Variants in ILK observed in about 807,000 individuals in gnomAD.
The protein encoded by ILK is scaffold protein ILK.
In ILK, 37 loss-of-function variants were observed where a neutral mutation model predicts 57.8. The ratio of observed to expected loss-of-function variants is 0.64; its 90% CI spans 0.49 to 0.84. The LOEUF is 0.84. ILK is among the 40% of genes least tolerant of loss of function. ILK has a pLI of 0.00. For synonymous variants in ILK, 231 were observed against 202.2 expected, an observed-to-expected ratio of 1.14 and a Z score of -1.21; for missense variants, 528 against 595.7, an observed-to-expected ratio of 0.89 and a Z score of 1.18.
rs867622362 is a variant in ILK at position 6,604,010 on chromosome 11, G to A, written c.-92-170G>A. ...TTGCCTGCTCTCGGACATCCGTTCAGCAGACACTACCTCTTCGTCACCCCC... is the reference window on the plus strand; with the variant it reads ...TTGCCTGCTCTCGGACATCCGTTCAACAGACACTACCTCTTCGTCACCCCC... On this transcript the variant is annotated intron_variant, in intron 1 of 12. Transcript: ENST00000299421. 1.0e-5 allele frequency: 6 copies of A among 582,824 alleles called. No homozygotes were observed. In the Middle Eastern group the frequency reaches 1.8e-3, roughly 179 times the overall value. 36.1% of individuals were successfully genotyped at this position (582,824 alleles called of 1,614,324 possible). A position where few individuals can be genotyped will look rare whatever the true frequency, so the allele number is the denominator to read the frequency against.
chr11:6,610,525 A>G lies in ILK; in HGVS notation c.1273A>G (p.Met425Val). Residue 425 changes from methionine (M) to valine (V), a missense_variant, in exon 13 of 13, where the codon ATG becomes GTG. By Grantham distance (21) the Met-to-Val change is conservative. Coordinates refer to ENST00000299421, the MANE Select transcript of ILK (RefSeq NM_004517.4). ...PGISPHVCKL[M>V]KICMNEDPAK... ...TATTTCCCCTCATGTGTGTAAGCTC[A>G]TGAAGATCTGCATGAATGAAGACCC... 2 of 1,614,220 alleles carry G rather than the reference A, an allele frequency of 1.2e-6. No individual in the cohort carries two copies. Among genetic ancestry groups the G allele is most frequent in the Non-Finnish European group, 1.7e-6 (2 of 1,180,028 alleles).
At position 6,609,509 on chromosome 11, in the gene ILK, T is replaced by C. The variant is rs754346510; in HGVS notation, c.729-3T>C. 1.9e-5 allele frequency: 31 copies of C among 1,613,990 alleles called. No homozygotes were observed. Among genetic ancestry groups the C allele is most frequent in the Non-Finnish European group, 2.5e-5 (29 of 1,180,026 alleles). On this transcript the variant is annotated splice_polypyrimidine_tract_variant and splice_region_variant and intron_variant, in intron 8 of 12. Transcript: ENST00000299421. Reference sequence around the variant, plus strand: ...GGTCTCAACCACTCCCTCCCTCTTCTAGGATTTTCTCGCATCCAAATGTGC... The same window carrying C: ...GGTCTCAACCACTCCCTCCCTCTTCCAGGATTTTCTCGCATCCAAATGTGC...
chr11:6,609,715 T>G lies in ILK; in HGVS notation c.857-9T>G. On this transcript the variant is annotated splice_polypyrimidine_tract_variant and intron_variant, in intron 9 of 12. Coordinates refer to ENST00000299421, the MANE Select transcript of ILK (RefSeq NM_004517.4). ...CTCTCTGAACTATTTGACTTTTGCC[T>G]CCTCTCAGATTTCGTCGTGGACCAG... 3 of 1,614,164 alleles carry G rather than the reference T, an allele frequency of 1.9e-6. No homozygotes were observed. Among genetic ancestry groups the G allele is most frequent in the Non-Finnish European group, 2.5e-6 (3 of 1,180,014 alleles).
chr11:6,609,059 C>T lies in ILK; in HGVS notation c.533-12C>T, dbSNP rs775689217. ...GGGTGAAGCTGGGTACCTGACCTGC[C>T]CACACTCTTAGGAAATGGAACCCTG... is the stretch of plus-strand genomic sequence containing the variant. On this transcript the variant is annotated splice_polypyrimidine_tract_variant and intron_variant, in intron 6 of 12. Coordinates refer to ENST00000299421, the MANE Select transcript of ILK (RefSeq NM_004517.4). The T allele has an allele frequency of 5.6e-6, 9 of 1,613,386 alleles. No homozygotes were observed. Among genetic ancestry groups the T allele is most frequent in the Admixed American group, 1.7e-5 (1 of 60,006 alleles).
intron 2 of ILK, 163 bp downstream of exon 2, chr11:6,604,523 G>T: frequency 1.4e-6 from 1 of 704,874 alleles, no homozygotes; most frequent in East Asian, 2.7e-5. Context: ...GACGCAGTTT[G>T]AGCTGAATCT....
At position 6,608,109 on chromosome 11, in the gene ILK, G is replaced by C; in HGVS notation, c.153G>C (p.Glu51Asp). 2 of 1,614,198 alleles carry C rather than the reference G, an allele frequency of 1.2e-6. No homozygotes were observed. Among genetic ancestry groups the C allele is most frequent in the South Asian group, 2.2e-5 (2 of 91,088 alleles). Reference sequence around the variant, plus strand: ...GAGAGGGCCGCTCTGCTGTGGTTGAGATGTTGATCATGCGGGGGGCACGGA... The same window carrying C: ...GAGAGGGCCGCTCTGCTGTGGTTGACATGTTGATCATGCGGGGGGCACGGA... ...ACREGRSAVV[E>D]MLIMRGARIN... The change falls in exon 3 of 13, where the codon GAG becomes GAC. Residue 51 changes from glutamate (E) to aspartate (D), a missense_variant. Transcript: ENST00000299421. The surrounding 1 kb of genome is among the most constrained non-coding windows in gnomAD (Gnocchi z 4.9).
intron 2 of ILK, chr11:6,604,587 C>T (rs1300532513): frequency 1.6e-5 from 10 of 618,668 alleles, no homozygotes; most frequent in Non-Finnish European, 2.9e-5. Context: ...TTTCCAGCCT[C>T]AGTAGACTGC....
chr11:6,603,805 C>A lies in ILK; in HGVS notation c.-110C>A. 5.6e-6 allele frequency: 2 copies of A among 356,550 alleles called. No individual in the cohort carries two copies. The highest frequency in any genetic ancestry group is 5.0e-6 in the Non-Finnish European group (1 of 198,356). 22.1% of individuals were successfully genotyped at this position (356,550 alleles called of 1,614,324 possible). ...GGACGGGAGTTCCCCGGAGAAGGAT[C>A]CTGCAGCCCGAGTCCCGGTGAGTGC... On this transcript the variant is annotated 5_prime_UTR_variant, in exon 1 of 13. Transcript: ENST00000299421.
At position 6,608,563 on chromosome 11, in the gene ILK, C is replaced by G; in HGVS notation, c.351+74C>G. 7.1e-7 allele frequency: 1 copy of G among 1,399,996 alleles called. No homozygotes were observed. 86.7% of individuals were successfully genotyped at this position (1,399,996 alleles called of 1,614,324 possible). On this transcript the variant is annotated intron_variant, in intron 4 of 12. Transcript: ENST00000299421. The surrounding 1 kb of genome is among the most constrained non-coding windows in gnomAD (Gnocchi z 4.9). The stretch of plus-strand genomic sequence containing the variant: ...AGCCTTGGTGGGAGATTTTGGAACC[C>G]TCAACCCATTCTGTCAGTACTACTG...
chr11:6,608,718 G>A lies in ILK; in HGVS notation c.376G>A (p.Val126Ile). The change falls in exon 5 of 13, where the codon GTC becomes ATC. Residue 126 changes from valine (V) to isoleucine (I), a missense_variant. Physicochemically the swap from Val to Ile is conservative, Grantham distance 29. Transcript: ENST00000299421. This position sits in a 1 kb window ranked among gnomAD's most constrained non-coding sequence, Gnocchi z 4.9. ...AEDLVANGALVSICNKYGEMP... is the reference protein window; with the variant it reads ...AEDLVANGALISICNKYGEMP... ...GGACCTGGTGGCAAATGGGGCCCTT[G>A]TCAGCATCTGTAACAAGTATGGAGA... 1.2e-6 allele frequency: 2 copies of A among 1,614,110 alleles called. No individual in the cohort carries two copies. Among genetic ancestry groups the A allele is most frequent in the Non-Finnish European group, 1.7e-6 (2 of 1,179,978 alleles).
intron 2 of ILK, among the ~76,000 whole-genome samples, chr11:6,605,494 C>G (rs1854793987): frequency 6.7e-6 from 1 of 149,012 alleles, no homozygotes; most frequent in Admixed American, 6.7e-5. Context: ...TTTAAAGTAG[C>G]CATTGAATTT....
In ILK at chr11:6,603,804, T is replaced by G. The variant is rs535589105; in HGVS notation, c.-111T>G. The G allele has an allele frequency of 2.8e-6, 1 of 354,826 alleles. No individual in the cohort carries two copies. 22.0% of individuals were successfully genotyped at this position (354,826 alleles called of 1,614,324 possible). A position where few individuals can be genotyped will look rare whatever the true frequency, so the allele number is the denominator to read the frequency against. On this transcript the variant is annotated 5_prime_UTR_variant, in exon 1 of 13. Coordinates refer to ENST00000299421, the MANE Select transcript of ILK (RefSeq NM_004517.4). ...CGGACGGGAGTTCCCCGGAGAAGGA[T>G]CCTGCAGCCCGAGTCCCGGTGAGTG...
Position 6,609,396 on chromosome 11 carries a change from G to A in ILK, c.716G>A (p.Cys239Tyr), listed in dbSNP as rs762502276. The A allele has an allele frequency of 1.2e-6, 2 of 1,613,990 alleles. No individual in the cohort carries two copies. Among genetic ancestry groups the A allele is most frequent in the Non-Finnish European group, 1.7e-6 (2 of 1,179,968 alleles). ...TRKSRDFNEE[C>Y]PRLRIFSHPN... is the part of the protein sequence containing the mutation. ...AAGAGCAGGGACTTCAATGAAGAGT[G>A]TCCCCGGCTCAGGTAGTGCAAGGCG... is the stretch of plus-strand genomic sequence containing the variant. The change falls in exon 8 of 13, where the codon TGT (cysteine) becomes TAT (tyrosine). Residue 239 changes from cysteine to tyrosine, a missense_variant. By Grantham distance (194) the Cys-to-Tyr change is radical (BLOSUM62 -2). Coordinates refer to ENST00000299421, the MANE Select transcript of ILK (RefSeq NM_004517.4).
chr11:6,605,079 T>C (rs1026282226), intron 2 of ILK: 1 of 343,190 alleles, frequency 2.9e-6, no homozygotes, highest in African/African-American at 2.2e-5. Context: ...TTTACTGAGA[T>C]GGAGAAAACT....
At chr11:6,607,511 A>G (rs3741271) in intron 2 of ILK, 1 of 161,650 alleles carries the variant, frequency 6.2e-6, no homozygotes, top group Non-Finnish European at 1.4e-5. Context: ...TCAGTACCAG[A>G]GCCAAATAGT....
Position 6,609,320 on chromosome 11 carries a change from G to A in ILK, c.640G>A (p.Gly214Ser). The part of the protein sequence containing the change: ...SGELWKGRWQ[G>S]NDIVVKVLKV... ...GCAGCTATGGAAGGGCCGCTGGCAGGGCAATGACATTGTCGTGAAGGTGCT... is the reference window on the plus strand; with the variant it reads ...GCAGCTATGGAAGGGCCGCTGGCAGAGCAATGACATTGTCGTGAAGGTGCT... The change falls in exon 8 of 13, where the codon GGC becomes AGC. Residue 214 changes from glycine to serine, a missense_variant. Physicochemically the swap from Gly to Ser is moderately conservative, Grantham distance 56. Transcript: ENST00000299421. 6.2e-7 allele frequency: 1 copy of A among 1,614,106 alleles called. No individual in the cohort carries two copies. Among genetic ancestry groups the A allele is most frequent in the Non-Finnish European group, 8.5e-7 (1 of 1,180,026 alleles).
intron 1 of ILK, 175 bp from the exon 2 acceptor site, chr11:6,604,005 G>T: frequency 1.7e-6 from 1 of 577,436 alleles, no homozygotes; most frequent in Non-Finnish European, 3.1e-6. Flanking sequence ...TCGGACATCC[G>T]TTCAGCAGAC....
chr11:6,609,258 C>T (rs759232954), intron 7 of ILK, 41 bp from the exon 8 acceptor site: 2 of 1,603,082 alleles, frequency 1.2e-6, no homozygotes, highest in East Asian at 4.5e-5. Context: ...AAGGAAGTGG[C>T]AGCAACATTT....
rs897571716 is a variant in ILK, at chr11:6,610,400, A to G, written c.1210-62A>G. ...ATACAGTAATCCTGTCCCAAGGGCC[A>G]GTGGCTTCTCTCTACATGACAGACT... On this transcript the variant is annotated intron_variant, in intron 12 of 12. Coordinates refer to ENST00000299421, the MANE Select transcript of ILK (RefSeq NM_004517.4). 3.0e-5 allele frequency: 49 copies of G among 1,613,528 alleles called. No individual in the cohort carries two copies. The African/African-American group carries it at 5.7e-4, about 19-fold the overall frequency.
Sources: allele counts gnomAD v4.1 joint callset (sites outside exome capture counted in the v4.1 genomes callset), GRCh38; gene constraint gnomAD v4.1.1; non-coding constraint Gnocchi (gnomAD v3.1); transcripts MANE v1.5; gene names NCBI Gene and HGNC (gene_info 2026-07-23, HGNC 2026-07-21).